PLPP7: variants seen among roughly 807,000 people sequenced by gnomAD.
PLPP7 encodes the protein inactive phospholipid phosphatase 7.
Under a neutral mutation model 16.9 loss-of-function variants are expected in PLPP7, and 11 were observed. That is an observed-to-expected ratio of 0.65 (90% CI 0.41 to 1.08). The LOEUF (loss-of-function observed/expected upper bound fraction) is 1.08. Ranked by LOEUF, PLPP7 falls within the 50% of genes least tolerant of loss-of-function variation. The pLI, the probability that PLPP7 is intolerant of heterozygous loss-of-function variation, is 0.00. For synonymous variants in PLPP7, 174 were observed against 175.1 expected (o/e 0.99, Z 0.05); for missense variants, 358 against 397.1 (o/e 0.90, Z 0.84).
Position 131,308,129 on chromosome 9 carries a change from C to A in PLPP7, c.658C>A (p.Leu220Ile). The part of the protein sequence containing the change: ...LAVPLRVLLV[L>I]WALCVGLSRV... ...GGTGCCCCTGCGTGTGCTGCTGGTG[C>A]TCTGGGCCCTCTGCGTGGGCCTGTC... The change falls in exon 2 of 2, where the codon CTC becomes ATC. Residue 220 changes from leucine to isoleucine, a missense_variant. Leu to Ile is a conservative substitution (Grantham distance 5). Coordinates refer to ENST00000372264, the MANE Select transcript of PLPP7 (RefSeq NM_032728.4). 6.2e-7 allele frequency: 1 copy of A among 1,601,002 alleles called. No individual in the cohort carries two copies. Among genetic ancestry groups the A allele is most frequent in the Non-Finnish European group, 8.5e-7 (1 of 1,179,814 alleles).
chr9:131,296,662 G>A (rs1462386545), intron 1 of PLPP7, among the ~76,000 whole-genome samples: 3 of 152,170 alleles, frequency 2.0e-5, no homozygotes, highest in African/African-American at 7.2e-5. Flanking sequence ...CCGCAGCTTG[G>A]GTCACGTGCC....
chr9:131,308,525 T>TGGGC lies in PLPP7; in HGVS notation c.*238_*239insGGGC, dbSNP rs1360986344. On this transcript the variant is annotated 3_prime_UTR_variant, in exon 2 of 2. Coordinates refer to ENST00000372264, the MANE Select transcript of PLPP7 (RefSeq NM_032728.4). ...TTGCTTGGACTCCAAGTCTCCTCTC[T>TGGGC]AGGCAGCCAGGACCCACCCATGGGG... The TGGGC allele has an allele frequency of 7.5e-4, 501 of 671,978 alleles. 3 individuals carry two copies. The African/African-American group carries it at 8.6e-3, about 12-fold the overall frequency. The allele number at this position is 671,978 out of a possible 1,614,324, so 41.6% of individuals were successfully genotyped here.
At position 131,298,567 on chromosome 9, in the gene PLPP7, CA is replaced by C. The variant is rs749411025; in HGVS notation, c.451+8120del. On this transcript the variant is annotated intron_variant, in intron 1 of 1. Transcript: ENST00000372264. The stretch of plus-strand genomic sequence containing the variant: ...GAGCTGGTCCCACAGAGTGCGTCCT[CA>C]GGGGGAAAGCAGCCCAAAGCCACAA... Among the ~76,000 whole-genome samples the C allele has an allele frequency of 1.1e-4, 16 of 152,282 alleles. No individual in the cohort carries two copies. The East Asian group carries it at 2.9e-3, about 28-fold the overall frequency.
In PLPP7 at chr9:131,308,079, T is replaced by A; in HGVS notation, c.608T>A (p.Phe203Tyr). Residue 203 changes from phenylalanine to tyrosine, a missense_variant, in exon 2 of 2, where the codon TTC becomes TAC. Transcript: ENST00000372264. Reference protein sequence around the residue: ...HASRAAMVSKFFLSHLVLAVP... With the variant: ...HASRAAMVSKYFLSHLVLAVP... ...AGCCGCGCCGCCATGGTGTCCAAGT[T>A]CTTCCTCAGCCACCTGGTGCTGGCG... 1 of 1,601,418 alleles carries A rather than the reference T, an allele frequency of 6.2e-7. No homozygotes were observed. Among genetic ancestry groups the A allele is most frequent in the Non-Finnish European group, 8.5e-7 (1 of 1,179,814 alleles).
chr9:131,291,813 C>T (rs983791118), intron 1 of PLPP7, among the ~76,000 whole-genome samples: 8 of 152,202 alleles, frequency 5.3e-5, no homozygotes, highest in African/African-American at 1.9e-4. Flanking sequence ...AACTCCTGAC[C>T]TCAGGTGATC....
chr9:131,302,677 C>T (rs1835811467), intron 1 of PLPP7, among the ~76,000 whole-genome samples: 1 of 152,244 alleles, frequency 6.6e-6, no homozygotes, highest in Non-Finnish European at 1.5e-5. Flanking sequence ...CAGCCAGCTC[C>T]TCTGTGTACC....
At position 131,308,478 on chromosome 9, in the gene PLPP7, C is replaced by T; in HGVS notation, c.*191C>T. The stretch of plus-strand genomic sequence containing the variant: ...CCCTCCCGGAGACAAGCGTGTTTGG[C>T]AGTGCCAGGCCTCTTGCCCCTTTGC... On this transcript the variant is annotated 3_prime_UTR_variant, in exon 2 of 2. Coordinates refer to ENST00000372264, the MANE Select transcript of PLPP7 (RefSeq NM_032728.4). 4 of 948,636 alleles carry T rather than the reference C, an allele frequency of 4.2e-6. No individual in the cohort carries two copies. Among genetic ancestry groups the T allele is most frequent in the Non-Finnish European group, 6.1e-6 (4 of 658,022 alleles). The allele number at this position is 948,636 out of a possible 1,614,324, so 58.8% of individuals were successfully genotyped here. A position where few individuals can be genotyped will look rare whatever the true frequency, so the allele number is the denominator to read the frequency against.
Position 131,295,072 on chromosome 9 carries a change from A to G in PLPP7, c.451+4624A>G, listed in dbSNP as rs13289053. Among the ~76,000 whole-genome samples the G allele has an allele frequency of 0.72, 107,926 of 149,168 alleles. 40,230 individuals are homozygous for G. Among genetic ancestry groups the G allele is most frequent in the Non-Finnish European group, 0.83 (55,523 of 67,174 alleles). Reference sequence around the variant, plus strand: ...GGAGCTTGCAGTGAGCTGAGATCGCACCACTGCACTCCAGCCTGGGCGACA... The same window carrying G: ...GGAGCTTGCAGTGAGCTGAGATCGCGCCACTGCACTCCAGCCTGGGCGACA... On this transcript the variant is annotated intron_variant, in intron 1 of 1. Transcript: ENST00000372264. The surrounding 1 kb of genome is among the most constrained non-coding windows in gnomAD (Gnocchi z 4.0).
chr9:131,308,084 C>T lies in PLPP7; in HGVS notation c.613C>T (p.Leu205Phe), dbSNP rs780708268. The T allele has an allele frequency of 6.2e-7, 1 of 1,601,404 alleles. No homozygotes were observed. The highest frequency in any genetic ancestry group is 1.1e-5 in the South Asian group (1 of 91,068). ...CGCCGCCATGGTGTCCAAGTTCTTC[C>T]TCAGCCACCTGGTGCTGGCGGTGCC... ...SRAAMVSKFF[L>F]SHLVLAVPLR... The change falls in exon 2 of 2, where the codon CTC becomes TTC. Residue 205 changes from leucine (L) to phenylalanine (F), a missense_variant. Coordinates refer to ENST00000372264, the MANE Select transcript of PLPP7 (RefSeq NM_032728.4).
Position 131,308,545 on chromosome 9 carries a change from A to C in PLPP7, c.*258A>C. The C allele has an allele frequency of 9.0e-6, 5 of 554,926 alleles. No homozygotes were observed. The highest frequency in any genetic ancestry group is 1.3e-5 in the Non-Finnish European group (4 of 315,798). 34.4% of individuals were successfully genotyped at this position (554,926 alleles called of 1,614,324 possible). A position where few individuals can be genotyped will look rare whatever the true frequency, so the allele number is the denominator to read the frequency against. On this transcript the variant is annotated 3_prime_UTR_variant, in exon 2 of 2. Coordinates refer to ENST00000372264, the MANE Select transcript of PLPP7 (RefSeq NM_032728.4). ...CTCTCTAGGCAGCCAGGACCCACCC[A>C]TGGGGACAGCCCTATTTAGCTTCTG...
chr9:131,293,821 C>A (rs1835707530), intron 1 of PLPP7, among the ~76,000 whole-genome samples: 1 of 152,076 alleles, frequency 6.6e-6, no homozygotes, highest in Non-Finnish European at 1.5e-5. Flanking sequence ...GGGTGCCATG[C>A]CACACGGTGA....
intron 1 of PLPP7, among the ~76,000 whole-genome samples, chr9:131,292,479 G>A (rs981020503): frequency 2.0e-5 from 3 of 152,160 alleles, no homozygotes; most frequent in Admixed American, 2.0e-4. Context: ...CATTTAAAGA[G>A]GGGGAAATTG....
rs570474728 is a variant in PLPP7 at position 131,309,038 on chromosome 9, G to A, written c.*751G>A. 143 of 152,618 alleles carry A rather than the reference G, an allele frequency of 9.4e-4. 1 individual carries two copies. The highest frequency in any genetic ancestry group is 2.9e-4 in the Non-Finnish European group (20 of 68,050). The allele number at this position is 152,618 out of a possible 1,614,324, so 9.5% of individuals were successfully genotyped here. A position where few individuals can be genotyped will look rare whatever the true frequency, so the allele number is the denominator to read the frequency against. On this transcript the variant is annotated 3_prime_UTR_variant, in exon 2 of 2. Transcript: ENST00000372264. ...TATTGGTTCCTCAAGTGCGTTTTGG[G>A]AGCTGCTGCCAGAGAGCTAAAGGGC...
chr9:131,306,822 A>G (rs1267525976), intron 1 of PLPP7, among the ~76,000 whole-genome samples: 1 of 152,152 alleles, frequency 6.6e-6, no homozygotes, highest in Non-Finnish European at 1.5e-5. Flanking sequence ...TTCTTTTGGG[A>G]TGATGAAATG....
intron 1 of PLPP7, among the ~76,000 whole-genome samples, chr9:131,301,887 G>T (rs572788180): frequency 6.7e-6 from 1 of 149,638 alleles, no homozygotes; most frequent in African/African-American, 2.5e-5. Context: ...CGCAATCTTG[G>T]CTCACTGCAA....
intron 1 of PLPP7, chr9:131,291,143 G>A: frequency 7.3e-7 from 1 of 1,366,426 alleles, no homozygotes; most frequent in Non-Finnish European, 9.8e-7. Flanking sequence ...TGCCACGTGG[G>A]GCCCATGTGG....
At chr9:131,306,734 T>G (rs532305558) in intron 1 of PLPP7, among the ~76,000 whole-genome samples, 13 of 152,206 alleles carry the variant, frequency 8.5e-5, no homozygotes, top group Admixed American at 2.6e-4. Flanking sequence ...GCAAATCCTC[T>G]AGAGGAAAGC....
chr9:131,305,385 T>TA (rs57655140), intron 1 of PLPP7, among the ~76,000 whole-genome samples: 16 of 150,198 alleles, frequency 1.1e-4, no homozygotes, highest in South Asian at 4.2e-4. Context: ...TGCCCATCTG[T>TA]AAAAAAAAAA....
In PLPP7 at chr9:131,290,245, A is replaced by C. The variant is rs1835652720; in HGVS notation, c.248A>C (p.Asn83Thr). ...LNPSFKGIAF[N>T]SLLAIDICMS... is the part of the protein sequence containing the mutation. ...CCCTCCTTCAAGGGCATCGCCTTCA[A>C]CTCCCTGCTGGCCATCGATATCTGT... The change falls in exon 1 of 2, where the codon AAC becomes ACC. Residue 83 changes from asparagine to threonine, a missense_variant. By Grantham distance (65) the Asn-to-Thr change is moderately conservative. Transcript: ENST00000372264. This position sits in a 1 kb window ranked among gnomAD's most constrained non-coding sequence, Gnocchi z 4.2. 6 of 1,610,508 alleles carry C rather than the reference A, an allele frequency of 3.7e-6. No individual in the cohort carries two copies. The highest frequency in any genetic ancestry group is 5.1e-6 in the Non-Finnish European group (6 of 1,178,200).
Sources: gnomAD v4.1 joint callset for allele counts (sites outside exome capture counted in the v4.1 genomes callset) on GRCh38, gnomAD v4.1.1 for gene constraint, Gnocchi (gnomAD v3.1) non-coding constraint, MANE v1.5 for transcripts, NCBI Gene and HGNC (gene_info 2026-07-23, HGNC 2026-07-21) for gene names.